Variants in PCDHA6 observed in about 807,000 individuals in gnomAD.
The protein encoded by PCDHA6 is protocadherin alpha-6.
A neutral mutation model predicts 60.3 loss-of-function variants in PCDHA6; 55 were observed. The observed-to-expected ratio is 0.91, with a 90% CI of 0.73 to 1.14. The LOEUF (loss-of-function observed/expected upper bound fraction) is 1.14. PCDHA6 is among the 50% of genes most tolerant of loss of function. The pLI is 0.00. For missense variants in PCDHA6, 1,327 were observed against 1,256.5 expected (o/e 1.06, Z -0.85); for synonymous variants, 652 against 557.9 (o/e 1.17, Z -2.38).
Position 140,843,369 on chromosome 5 carries a change from C to G in PCDHA6, c.2394+12884C>G, listed in dbSNP as rs2150358449. 8 of 1,596,038 alleles carry G rather than the reference C, an allele frequency of 5.0e-6. 2 individuals are homozygous for G. The highest frequency in any genetic ancestry group is 2.2e-5 in the South Asian group (2 of 90,512). On this transcript the variant is annotated intron_variant, in intron 1 of 3. Transcript: ENST00000529310. ...GCTCCAAAAGCGTCATCGAGGCAGT[C>G]GGCTGGCGTTTTGGGTCCGGAAGCG... is the stretch of plus-strand genomic sequence containing the variant.
chr5:140,998,547 A>C (rs1173862918), intron 3 of PCDHA6, among the ~76,000 whole-genome samples: 4 of 150,288 alleles, frequency 2.7e-5, no homozygotes, highest in African/African-American at 9.8e-5. Flanking sequence ...TCCTAATTTA[A>C]TGTCTAATTT....
intron 1 of PCDHA6, among the ~76,000 whole-genome samples, chr5:140,902,664 A>G (rs2069638514): frequency 6.6e-6 from 1 of 152,128 alleles, no homozygotes. Context: ...CTGTCACCCA[A>G]GCAGTGTACA....
chr5:140,924,931 T>C (rs1414085243), intron 1 of PCDHA6, among the ~76,000 whole-genome samples: 1 of 125,890 alleles, frequency 7.9e-6, no homozygotes, highest in Admixed American at 8.0e-5. Context: ...TAAAATAAAA[T>C]AAAATAAAAA....
chr5:140,835,647 G>A, intron 1 of PCDHA6: 1 of 1,613,958 alleles, frequency 6.2e-7, no homozygotes, highest in Non-Finnish European at 8.5e-7. Context: ...GTCCGCCTAT[G>A]AGCTGGTGGT....
intron 1 of PCDHA6, chr5:140,842,515 G>A (rs2150337754): frequency 5.6e-6 from 9 of 1,613,534 alleles, no homozygotes; most frequent in Non-Finnish European, 1.7e-6. Flanking sequence ...TCAAGCTGGT[G>A]TCCACCTTCA....
At position 140,834,542 on chromosome 5, in the gene PCDHA6, G is replaced by A. The variant is rs2150220651; in HGVS notation, c.2394+4057G>A. On this transcript the variant is annotated intron_variant, in intron 1 of 3. Transcript: ENST00000529310. ...TGGGCCGCATCGCGCAGGACCTGGG[G>A]CTGGAGCTGGCGGAGCTGGTGCCGC... The A allele has an allele frequency of 3.7e-6, 6 of 1,614,086 alleles. 1 individual carries two copies. In the South Asian group the frequency reaches 5.5e-5, roughly 15 times the overall value.
At chr5:140,879,208 A>C (rs546096733) in intron 1 of PCDHA6, among the ~76,000 whole-genome samples, 1 of 152,362 alleles carries the variant, frequency 6.6e-6, no homozygotes, top group East Asian at 1.9e-4. Context: ...ATGGCAGTAG[A>C]AATGAATTGA....
At chr5:140,995,851 G>A (rs2097700458) in intron 3 of PCDHA6, among the ~76,000 whole-genome samples, 4 of 152,250 alleles carry the variant, frequency 2.6e-5, no homozygotes, top group South Asian at 2.1e-4. Flanking sequence ...CATTTCTATC[G>A]TATCACTTAA....
chr5:140,870,504 C>G (rs782464928), intron 1 of PCDHA6: 18 of 1,614,232 alleles, frequency 1.1e-5, no homozygotes, highest in Non-Finnish European at 3.4e-6. Context: ...AGGAGAACAA[C>G]CCACCAGGCT....
chr5:141,007,779 C>T (rs1378096050), intron 3 of PCDHA6, among the ~76,000 whole-genome samples: 4 of 152,184 alleles, frequency 2.6e-5, no homozygotes, highest in African/African-American at 9.7e-5. Context: ...AATGGTACTG[C>T]TTTACAAATT....
chr5:140,962,245 T>C (rs2095666561), intron 1 of PCDHA6, among the ~76,000 whole-genome samples: 1 of 152,170 alleles, frequency 6.6e-6, no homozygotes, highest in Non-Finnish European at 1.5e-5. Context: ...ACCATTTTCT[T>C]CAATGAAAAA....
chr5:140,968,868 A>G, intron 1 of PCDHA6: 6 of 1,614,140 alleles, frequency 3.7e-6, no homozygotes, highest in Non-Finnish European at 5.1e-6. Flanking sequence ...CCTCGGACAT[A>G]CTCTGAAATT....
intron 1 of PCDHA6, chr5:140,858,510 T>C: frequency 2.1e-6 from 3 of 1,437,158 alleles, no homozygotes; most frequent in African/African-American, 1.4e-5. Flanking sequence ...TTCTCAAATA[T>C]GTATCAGAAT....
At chr5:140,964,044 A>G (rs155810) in intron 1 of PCDHA6, among the ~76,000 whole-genome samples, 592 of 152,346 alleles carry the variant, frequency 3.9e-3, no homozygotes, top group Middle Eastern at 0.024. Context: ...AAAGGAATGC[A>G]TAATGGTGTG....
chr5:140,884,314 G>A, intron 1 of PCDHA6: 1 of 1,613,760 alleles, frequency 6.2e-7, no homozygotes, highest in Non-Finnish European at 8.5e-7. Context: ...CGTCGAGGGC[G>A]TCGGCAGGCG....
At chr5:140,960,208 C>T (rs1295278624) in intron 1 of PCDHA6, among the ~76,000 whole-genome samples, 2 of 151,976 alleles carry the variant, frequency 1.3e-5, no homozygotes, top group Non-Finnish European at 2.9e-5. Flanking sequence ...GATGTTATTT[C>T]AGGATCTCAA....
At chr5:140,981,223 T>C (rs1472733562) in intron 2 of PCDHA6, among the ~76,000 whole-genome samples, 2 of 152,234 alleles carry the variant, frequency 1.3e-5, no homozygotes, top group Non-Finnish European at 2.9e-5. Context: ...CTTTAGTCAG[T>C]AGTCTAAATT....
chr5:140,884,515 G>GCCTCTGATAAGCACAA, intron 1 of PCDHA6: 1 of 1,614,174 alleles, frequency 6.2e-7, no homozygotes. Flanking sequence ...GGAGTTGGTC[G>GCCTCTGATAAGCACAA]TACTCGCAGC....
At chr5:140,841,942 G>C in intron 1 of PCDHA6, 1 of 1,613,920 alleles carries the variant, frequency 6.2e-7, no homozygotes, top group South Asian at 1.1e-5. Flanking sequence ...ACGCTCCTGC[G>C]CACCACTTAT....
Sources: allele counts gnomAD v4.1 joint callset (sites outside exome capture counted in the v4.1 genomes callset), GRCh38; gene constraint gnomAD v4.1.1; transcripts MANE v1.5; gene names NCBI Gene and HGNC (gene_info 2026-07-23, HGNC 2026-07-21).